Variants in LINGO2 observed in about 807,000 individuals in gnomAD.
The protein encoded by LINGO2 is leucine-rich repeat and immunoglobulin-like domain-containing nogo receptor-interacting protein 2.
In LINGO2, 14 loss-of-function variants were observed where a neutral mutation model predicts 30.6. That is an observed-to-expected ratio of 0.46 (90% CI 0.30 to 0.72). The LOEUF is 0.72. Among genes scored for constraint, LINGO2 ranks in the 30% least tolerant of loss-of-function variants. The probability of loss-of-function intolerance (pLI) is 0.07; values close to 1 mark genes in which losing one functional copy is unlikely to be tolerated. For synonymous variants in LINGO2, 317 were observed against 288.5 expected (o/e 1.10, Z -1.00); for missense variants, 729 against 751.7 (o/e 0.97, Z 0.35).
chr9:29,019,360 T>C, the LINGO2 span, among the ~76,000 whole-genome samples: 5 of 152,142 alleles, frequency 3.3e-5, no homozygotes, highest in Non-Finnish European at 7.4e-5. Context: ...CAAACACTCT[T>C]GTTTTATTTT....
chr9:27,998,350 A>C (rs1426625717), intron 5 of LINGO2, among the ~76,000 whole-genome samples: 1 of 152,230 alleles, frequency 6.6e-6, no homozygotes, highest in Admixed American at 6.5e-5. Flanking sequence ...GGAGAAGTCT[A>C]AACTAGCCAT....
At chr9:28,546,519 G>A (rs1372774853) in intron 1 of LINGO2, among the ~76,000 whole-genome samples, 1 of 152,026 alleles carries the variant, frequency 6.6e-6, no homozygotes, top group Non-Finnish European at 1.5e-5. Flanking sequence ...GTATAGGGCA[G>A]GACCCATTCT....
intron 5 of LINGO2, among the ~76,000 whole-genome samples, chr9:27,997,139 T>C (rs1280815622): frequency 6.6e-6 from 1 of 152,198 alleles, no homozygotes; most frequent in Non-Finnish European, 1.5e-5. Flanking sequence ...GCTGGCTTTA[T>C]ACTGAATTTA....
At chr9:28,071,113 C>T (rs1260961357) in intron 4 of LINGO2, among the ~76,000 whole-genome samples, 2 of 152,140 alleles carry the variant, frequency 1.3e-5, no homozygotes, top group Non-Finnish European at 2.9e-5. Flanking sequence ...GGTGATGCTG[C>T]CTTACATGCA....
chr9:28,026,377 T>C (rs1823376452), intron 4 of LINGO2, among the ~76,000 whole-genome samples: 1 of 152,126 alleles, frequency 6.6e-6, no homozygotes, highest in South Asian at 2.1e-4. Context: ...CTCAAACAGT[T>C]TGAACATCAG....
At chr9:28,787,597 G>A in the LINGO2 span, among the ~76,000 whole-genome samples, 9 of 152,042 alleles carry the variant, frequency 5.9e-5, no homozygotes, top group Non-Finnish European at 1.0e-4. Context: ...CTATGAGAAG[G>A]GAAAAAAGTG....
the LINGO2 span, among the ~76,000 whole-genome samples, chr9:29,193,882 G>C: frequency 6.6e-6 from 1 of 152,178 alleles, no homozygotes; most frequent in Non-Finnish European, 1.5e-5. Context: ...ATCCACTGAT[G>C]CCATGTAAAG....
chr9:28,265,824 T>C (rs1822729193), intron 4 of LINGO2, among the ~76,000 whole-genome samples: 1 of 151,590 alleles, frequency 6.6e-6, no homozygotes, highest in Admixed American at 6.6e-5. Flanking sequence ...AAAGTAGAGG[T>C]CTTATTACCA....
chr9:28,260,075 T>G (rs1207616968), intron 4 of LINGO2, among the ~76,000 whole-genome samples: 1 of 151,848 alleles, frequency 6.6e-6, no homozygotes, highest in Non-Finnish European at 1.5e-5. Context: ...GGCTCATCTG[T>G]ACTGAGATGG....
At chr9:28,009,000 C>T (rs1043794311) in intron 5 of LINGO2, among the ~76,000 whole-genome samples, 4 of 152,036 alleles carry the variant, frequency 2.6e-5, no homozygotes, top group African/African-American at 4.8e-5. Context: ...TCACACTTAC[C>T]GATTTCAAAA....
intron 4 of LINGO2, among the ~76,000 whole-genome samples, chr9:28,172,030 A>AAAAAAC (rs1554682044): frequency 1.3e-5 from 1 of 75,124 alleles, no homozygotes; most frequent in African/African-American, 6.4e-5. Flanking sequence ...AAAAAAAAAA[A>AAAAAAC]AAACAAAAAA....
intron 4 of LINGO2, among the ~76,000 whole-genome samples, chr9:28,190,912 C>G (rs1281950413): frequency 6.6e-6 from 1 of 152,164 alleles, no homozygotes; most frequent in Non-Finnish European, 1.5e-5. Context: ...ATATACCAGA[C>G]AGATGTCAGC....
At chr9:28,090,100 C>A (rs1826033462) in intron 4 of LINGO2, among the ~76,000 whole-genome samples, 1 of 152,146 alleles carries the variant, frequency 6.6e-6, no homozygotes, top group Non-Finnish European at 1.5e-5. Flanking sequence ...AAGTCCAGGA[C>A]CAGATGCATT....
the LINGO2 span, among the ~76,000 whole-genome samples, chr9:28,698,620 G>T: frequency 4.0e-5 from 6 of 150,956 alleles, no homozygotes; most frequent in Non-Finnish European, 7.4e-5. Flanking sequence ...TGTGTGTGTG[G>T]TTTTTTTTTA....
At chr9:28,332,881 T>G (rs553297612) in intron 3 of LINGO2, among the ~76,000 whole-genome samples, 1 of 152,230 alleles carries the variant, frequency 6.6e-6, no homozygotes, top group South Asian at 2.1e-4. Context: ...GCTGACTCAA[T>G]GGTCTCTGCC....
chr9:29,080,842 C>T, the LINGO2 span, among the ~76,000 whole-genome samples: 1 of 151,884 alleles, frequency 6.6e-6, no homozygotes, highest in African/African-American at 2.4e-5. Flanking sequence ...TTTACATTTG[C>T]TGAGTGAGGA....
intron 4 of LINGO2, among the ~76,000 whole-genome samples, chr9:28,200,935 A>G (rs1414778663): frequency 6.6e-6 from 1 of 152,082 alleles, no homozygotes; most frequent in Non-Finnish European, 1.5e-5. Flanking sequence ...TAAATCAATA[A>G]ATCACCGTAC....
intron 1 of LINGO2, among the ~76,000 whole-genome samples, chr9:28,650,834 CA>C (rs1828063846): frequency 6.6e-6 from 1 of 152,316 alleles, no homozygotes; most frequent in Non-Finnish European, 1.5e-5. Context: ...TTGGGGAAAG[CA>C]AGTAATAGCC....
At chr9:28,945,907 G>C in the LINGO2 span, among the ~76,000 whole-genome samples, 1 of 152,098 alleles carries the variant, frequency 6.6e-6, no homozygotes, top group Non-Finnish European at 1.5e-5. Context: ...AGGTACTTCT[G>C]ATAAAGATGA....
Sources: allele counts gnomAD v4.1 joint callset (sites outside exome capture counted in the v4.1 genomes callset), GRCh38; gene constraint gnomAD v4.1.1; transcripts MANE v1.5; gene names NCBI Gene and HGNC (gene_info 2026-07-23, HGNC 2026-07-21).